Variants in DCC observed in about 807,000 individuals in gnomAD.
The protein encoded by DCC is netrin receptor DCC.
DCC carries 58 observed loss-of-function variants against 172.5 expected under a neutral mutation model. The observed-to-expected ratio is 0.34, with a 90% CI of 0.27 to 0.42. The LOEUF is 0.42. Ranked by LOEUF, DCC falls within the 10% of genes least tolerant of loss-of-function variation. The pLI, the probability that DCC is intolerant of heterozygous loss-of-function variation, is 1.00. For missense variants in DCC, 1,740 were observed against 1,791.0 expected, an observed-to-expected ratio of 0.97 and a Z score of 0.51; for synonymous variants, 709 against 644.5, an observed-to-expected ratio of 1.10 and a Z score of -1.52.
At chr18:52,472,785 G>A (rs541823127) in intron 1 of DCC, among the ~76,000 whole-genome samples, 28 of 152,228 alleles carry the variant, frequency 1.8e-4, no homozygotes, top group African/African-American at 6.5e-4. Flanking sequence ...TGAGCCTATA[G>A]TCCCAGCTAC....
intron 7 of DCC, among the ~76,000 whole-genome samples, chr18:53,129,144 C>G (rs572902845): frequency 1.3e-5 from 2 of 152,032 alleles, no homozygotes; most frequent in South Asian, 4.1e-4. Flanking sequence ...ACCTCAGCCT[C>G]CCAAAGTGCT....
chr18:53,002,095 T>C (rs1345379185), intron 5 of DCC, among the ~76,000 whole-genome samples: 1 of 152,122 alleles, frequency 6.6e-6, no homozygotes. Flanking sequence ...GTAATGACAC[T>C]AATATTGTTC....
intron 1 of DCC, among the ~76,000 whole-genome samples, chr18:52,410,507 T>G (rs754385937): frequency 8.5e-5 from 13 of 152,278 alleles, no homozygotes; most frequent in Non-Finnish European, 1.3e-4. Flanking sequence ...AAGGAAAGCC[T>G]TCACATTGCA....
intron 1 of DCC, among the ~76,000 whole-genome samples, chr18:52,458,477 CAT>C (rs1233997078): frequency 1.3e-5 from 2 of 152,176 alleles, no homozygotes; most frequent in East Asian, 3.9e-4. Flanking sequence ...GTTATCAAAA[CAT>C]AAATTTCTTA....
At chr18:53,086,433 TTC>T (rs2042903776) in intron 7 of DCC, among the ~76,000 whole-genome samples, 1 of 44,448 alleles carries the variant, frequency 2.2e-5, no homozygotes, top group South Asian at 4.9e-4. Context: ...TCTTCCTTTC[TTC>T]TTCTTCTTCT....
chr18:52,365,243 C>T (rs1010909020), intron 1 of DCC, among the ~76,000 whole-genome samples: 1 of 152,174 alleles, frequency 6.6e-6, no homozygotes, highest in Non-Finnish European at 1.5e-5. Context: ...TTATCCTTCG[C>T]AGTAGTGATT....
intron 7 of DCC, among the ~76,000 whole-genome samples, chr18:53,076,215 C>T (rs1479394800): frequency 6.6e-6 from 1 of 152,142 alleles, no homozygotes; most frequent in Non-Finnish European, 1.5e-5. Context: ...TAGAAGCATT[C>T]CTCCTTTGTG....
chr18:52,471,719 A>G (rs1026031297), intron 1 of DCC, among the ~76,000 whole-genome samples: 2 of 152,222 alleles, frequency 1.3e-5, no homozygotes, highest in Admixed American at 6.5e-5. Context: ...TTCCGCTCAC[A>G]GGTACTTCTA....
intron 2 of DCC, among the ~76,000 whole-genome samples, chr18:52,813,275 G>A (rs964149956): frequency 8.6e-5 from 8 of 93,414 alleles, no homozygotes; most frequent in Admixed American, 2.8e-4. Flanking sequence ...CCACATTTTT[G>A]TAAAGAATTT....
At chr18:53,047,425 TTACA>T (rs2042264817) in intron 5 of DCC, among the ~76,000 whole-genome samples, 1 of 47,576 alleles carries the variant, frequency 2.1e-5, no homozygotes, top group African/African-American at 7.6e-5. Flanking sequence ...ATTATATATT[TTACA>T]TATATATATA....
chr18:52,832,787 G>A (rs1220158760), intron 2 of DCC, among the ~76,000 whole-genome samples: 1 of 152,158 alleles, frequency 6.6e-6, no homozygotes, highest in Non-Finnish European at 1.5e-5. Flanking sequence ...TATGGACCAA[G>A]TGGCACATGT....
intron 7 of DCC, among the ~76,000 whole-genome samples, chr18:53,070,864 T>A (rs753122792): frequency 5.3e-5 from 8 of 152,190 alleles, no homozygotes; most frequent in Non-Finnish European, 8.8e-5. Context: ...CTTCAAAGAA[T>A]GCCACTCCAA....
chr18:53,065,455 C>T lies in DCC; in HGVS notation c.1141-591C>T, dbSNP rs1007928481. Among the ~76,000 whole-genome samples the T allele has an allele frequency of 2.0e-5, 3 of 152,136 alleles. No homozygotes were observed. In the East Asian group the frequency reaches 5.8e-4, roughly 29 times the overall value. On this transcript the variant is annotated intron_variant, in intron 6 of 28. Transcript: ENST00000442544. ...AATCTATAAAGGTGAAACATTTCAG[C>T]CATACAATAAGAACCACATGGGTGT...
chr18:53,041,801 G>C (rs1424191274), intron 5 of DCC, among the ~76,000 whole-genome samples: 1 of 151,808 alleles, frequency 6.6e-6, no homozygotes, highest in Non-Finnish European at 1.5e-5. Context: ...GTTTGTTCAT[G>C]ATTTGGCTGT....
Position 53,129,424 on chromosome 18 carries a change from C to T in DCC, c.1262-27932C>T, listed in dbSNP as rs562252990. Among the ~76,000 whole-genome samples, 14 of 152,092 alleles carry T rather than the reference C, an allele frequency of 9.2e-5. 1 individual carries two copies. Among genetic ancestry groups the T allele is most frequent in the South Asian group, 8.3e-4 (4 of 4,818 alleles). ...TCTGTAAATATCATCCAAAATAAGA[C>T]ATAGGGCATTTTTATTCCTCTAGAA... is the stretch of plus-strand genomic sequence containing the variant. On this transcript the variant is annotated intron_variant, in intron 7 of 28. Transcript: ENST00000442544.
intron 7 of DCC, among the ~76,000 whole-genome samples, chr18:53,073,775 A>C (rs1203466941): frequency 6.6e-6 from 1 of 151,960 alleles, no homozygotes; most frequent in Non-Finnish European, 1.5e-5. Context: ...CAGAAGAGTC[A>C]ATCATGAACA....
At chr18:53,424,031 G>A (rs964001018) in intron 21 of DCC, among the ~76,000 whole-genome samples, 4 of 152,046 alleles carry the variant, frequency 2.6e-5, no homozygotes, top group African/African-American at 9.7e-5. Context: ...TTTCCAACAG[G>A]AAAAAGTATA....
intron 7 of DCC, among the ~76,000 whole-genome samples, chr18:53,148,311 G>A (rs2043945877): frequency 6.6e-6 from 1 of 152,168 alleles, no homozygotes; most frequent in Non-Finnish European, 1.5e-5. Context: ...GGATGGTGAT[G>A]CACATGAAGG....
intron 27 of DCC, among the ~76,000 whole-genome samples, chr18:53,520,113 C>T (rs572984189): frequency 1.3e-5 from 2 of 152,030 alleles, no homozygotes; most frequent in African/African-American, 4.8e-5. Flanking sequence ...TAGAAAAAAA[C>T]CAGTTAGTCT....
Sources: allele counts gnomAD v4.1 joint callset (sites outside exome capture counted in the v4.1 genomes callset), GRCh38; gene constraint gnomAD v4.1.1; transcripts MANE v1.5; gene names NCBI Gene and HGNC (gene_info 2026-07-23, HGNC 2026-07-21).